The following CHST9 variants were observed in gnomAD, a reference collection of about 807,000 sequenced individuals.
CHST9 encodes the protein GalNAc-4-sulfotransferase 2.
In CHST9, 41 loss-of-function variants were observed where a neutral mutation model predicts 44.4. The ratio of observed to expected loss-of-function variants is 0.92; its 90% confidence interval spans 0.72 to 1.20. The LOEUF (loss-of-function observed/expected upper bound fraction) is 1.20. CHST9 is among the 50% of genes most tolerant of loss of function. The probability of loss-of-function intolerance (pLI) is 0.00; values close to 1 mark genes in which losing one functional copy is unlikely to be tolerated. For missense variants in CHST9, 504 were observed against 516.5 expected, an observed-to-expected ratio of 0.98 and a Z score of 0.23; for synonymous variants, 171 against 178.4, an observed-to-expected ratio of 0.96 and a Z score of 0.33.
intron 3 of CHST9, among the ~76,000 whole-genome samples, chr18:27,031,612 A>G (rs975734261): frequency 6.6e-6 from 1 of 151,992 alleles, no homozygotes; most frequent in Non-Finnish European, 1.5e-5. Context: ...CCTATGCTAC[A>G]CTCCTCTCCA....
intron 4 of CHST9, among the ~76,000 whole-genome samples, chr18:26,949,304 C>T (rs773703682): frequency 6.6e-6 from 1 of 152,030 alleles, no homozygotes; most frequent in African/African-American, 2.4e-5. Flanking sequence ...AAGGACAACA[C>T]TCAGGTTTTT....
In CHST9 at chr18:27,107,642, A is replaced by C. The variant is rs548313776; in HGVS notation, c.121+35047T>G. Among the ~76,000 whole-genome samples, 150 of 152,286 alleles carry C rather than the reference A, an allele frequency of 9.8e-4. 1 individual carries two copies. The highest frequency in any genetic ancestry group is 3.4e-3 in the African/African-American group (142 of 41,562). ...ATCTGTTAACAGCTCTGGAGTGCAC[A>C]TGGTCTTTAGCCGACACTTCTCATG... On this transcript the variant is annotated intron_variant, in intron 2 of 5. Coordinates refer to ENST00000618847, the MANE Select transcript of CHST9 (RefSeq NM_031422.6).
At chr18:27,159,907 A>G (rs975575320) in intron 1 of CHST9, among the ~76,000 whole-genome samples, 2 of 151,958 alleles carry the variant, frequency 1.3e-5, no homozygotes, top group African/African-American at 2.4e-5. Context: ...TTGGCTCTCT[A>G]TTTGTCTGTT....
chr18:26,992,746 C>A (rs914243159), intron 4 of CHST9, among the ~76,000 whole-genome samples: 8 of 151,716 alleles, frequency 5.3e-5, no homozygotes, highest in Non-Finnish European at 1.2e-4. Flanking sequence ...AAGAACGGGA[C>A]AGAAAAATGA....
chr18:26,918,518 T>G (rs1038341765), intron 5 of CHST9, among the ~76,000 whole-genome samples: 1 of 151,508 alleles, frequency 6.6e-6, no homozygotes, highest in Non-Finnish European at 1.5e-5. Flanking sequence ...TATATATATA[T>G]AGTACATATA....
intron 2 of CHST9, among the ~76,000 whole-genome samples, chr18:27,100,829 A>G (rs2143749178): frequency 6.6e-6 from 1 of 152,344 alleles, no homozygotes. Context: ...AATTTCAGAT[A>G]AAAAATGAAC....
At chr18:26,992,966 T>C (rs2056842001) in intron 4 of CHST9, among the ~76,000 whole-genome samples, 2 of 152,192 alleles carry the variant, frequency 1.3e-5, no homozygotes, top group African/African-American at 4.8e-5. Context: ...TTCCTTATAA[T>C]CTGCAGGCAG....
At chr18:27,104,679 G>C (rs964160745) in intron 2 of CHST9, among the ~76,000 whole-genome samples, 3 of 152,118 alleles carry the variant, frequency 2.0e-5, no homozygotes, top group African/African-American at 7.2e-5. Context: ...ATGATTGATG[G>C]TGCTGTTGAG....
intron 2 of CHST9, among the ~76,000 whole-genome samples, chr18:27,049,184 T>C (rs935646584): frequency 5.9e-5 from 9 of 152,042 alleles, no homozygotes; most frequent in African/African-American, 2.2e-4. Context: ...GACTGAGTCA[T>C]GGCAGTGGGA....
intron 4 of CHST9, among the ~76,000 whole-genome samples, chr18:27,007,194 A>G (rs1339556064): frequency 6.6e-6 from 1 of 152,196 alleles, no homozygotes; most frequent in African/African-American, 2.4e-5. Context: ...TTCAATTACA[A>G]CTATTTAATA....
chr18:27,107,411 C>T (rs1422112355), intron 2 of CHST9, among the ~76,000 whole-genome samples: 1 of 152,154 alleles, frequency 6.6e-6, no homozygotes, highest in Non-Finnish European at 1.5e-5. Flanking sequence ...ATCTTGTTCC[C>T]TGCTTTTTAC....
At chr18:27,139,485 AC>A (rs869259157) in intron 2 of CHST9, among the ~76,000 whole-genome samples, 7 of 504 alleles carry the variant, frequency 0.014, no homozygotes, top group African/African-American at 0.048. Flanking sequence ...TATTTGAAAC[AC>A]ACACACACAC....
intron 2 of CHST9, among the ~76,000 whole-genome samples, chr18:27,050,359 G>C (rs1250005726): frequency 6.6e-6 from 1 of 152,134 alleles, no homozygotes; most frequent in Admixed American, 6.5e-5. Context: ...GTGGAGGTGA[G>C]GACCGTGGTT....
chr18:26,968,179 C>T (rs116702388), intron 4 of CHST9, among the ~76,000 whole-genome samples: 2,305 of 152,198 alleles, frequency 0.015, 70 homozygotes, highest in African/African-American at 0.053. Context: ...TGCATCTATC[C>T]CATTTGTTCT....
intron 1 of CHST9, among the ~76,000 whole-genome samples, chr18:27,182,401 C>T (rs910041113): frequency 2.0e-5 from 3 of 152,112 alleles, no homozygotes; most frequent in African/African-American, 7.2e-5. Flanking sequence ...GTGATAATGG[C>T]CCACTTTTTC....
chr18:27,016,418 T>C (rs2057155100), intron 4 of CHST9, among the ~76,000 whole-genome samples: 1 of 152,214 alleles, frequency 6.6e-6, no homozygotes, highest in South Asian at 2.1e-4. Flanking sequence ...TCCCCCTTGA[T>C]CCAAGTCTGT....
intron 2 of CHST9, among the ~76,000 whole-genome samples, chr18:27,093,451 G>C (rs2058087909): frequency 2.0e-5 from 3 of 152,222 alleles, no homozygotes; most frequent in Admixed American, 2.0e-4. Context: ...CCTCAGCAAT[G>C]GCAGATGCCC....
intron 2 of CHST9, among the ~76,000 whole-genome samples, chr18:27,065,073 T>A (rs967897615): frequency 2.0e-5 from 3 of 152,236 alleles, no homozygotes; most frequent in African/African-American, 7.2e-5. Context: ...AACTCTTCCA[T>A]AAACATCTTA....
intron 2 of CHST9, among the ~76,000 whole-genome samples, chr18:27,069,261 T>C (rs1337886210): frequency 6.6e-6 from 1 of 152,176 alleles, no homozygotes; most frequent in Admixed American, 6.5e-5. Flanking sequence ...TATCATCCTA[T>C]AATAAAGGCT....
Sources: gnomAD v4.1 joint callset for allele counts (sites outside exome capture counted in the v4.1 genomes callset) on GRCh38, gnomAD v4.1.1 for gene constraint, MANE v1.5 for transcripts, NCBI Gene and HGNC (gene_info 2026-07-23, HGNC 2026-07-21) for gene names.